Variants in FAM9B observed in about 807,000 individuals in gnomAD.
FAM9B encodes protein FAM9B.
In FAM9B, 18 loss-of-function variants were observed where a neutral mutation model predicts 16.6. The ratio of observed to expected loss-of-function variants is 1.09; its 90% confidence interval spans 0.75 to 1.61. The LOEUF (loss-of-function observed/expected upper bound fraction) is 1.61, where lower values mean the gene tolerates loss of function less well. Ranked by LOEUF, FAM9B falls within the 40% of genes most tolerant of loss-of-function variation. FAM9B has a pLI of 0.00. For synonymous variants in FAM9B, 43 were observed against 42.6 expected (o/e 1.01, Z -0.03); for missense variants, 155 against 136.0 (o/e 1.14, Z -0.70).
chrX:9,025,421 C>A, intron 8 of FAM9B, 44 bp from the exon 9 acceptor site: 1 of 807,080 alleles, frequency 1.2e-6, no homozygotes, highest in Non-Finnish European at 1.7e-6. Flanking sequence ...CACATTTCTG[C>A]AAATAAAATA....
In FAM9B at chrX:9,033,980, C is replaced by T. The variant is rs1327077373; in HGVS notation, c.-218G>A. On this transcript the variant is annotated 5_prime_UTR_variant, in exon 1 of 9. Coordinates refer to ENST00000327220, the MANE Select transcript of FAM9B (RefSeq NM_205849.3). The stretch of plus-strand genomic sequence containing the variant: ...GCTTGAACCCAGGAGGCGGAGGTTG[C>T]AGTGAGCCCAGATCACACCACTGCA... The T allele has an allele frequency of 2.0e-5, 13 of 634,751 alleles. No individual in the cohort carries two copies. In the African/African-American group the frequency reaches 3.2e-4, roughly 16 times the overall value. 52.3% of individuals were successfully genotyped at this position (634,751 alleles called of 1,213,427 possible). A position where few individuals can be genotyped will look rare whatever the true frequency, so the allele number is the denominator to read the frequency against.
chrX:9,027,578 T>C (rs1248552576), intron 7 of FAM9B, among the ~76,000 whole-genome samples: 5 of 111,828 alleles, frequency 4.5e-5, no homozygotes, highest in Non-Finnish European at 7.5e-5. Context: ...CTGGCATAAA[T>C]AGGTTAATGT....
intron 7 of FAM9B, among the ~76,000 whole-genome samples, chrX:9,026,416 G>A (rs1920967087): frequency 9.0e-6 from 1 of 111,211 alleles, no homozygotes; most frequent in African/African-American, 3.3e-5. Context: ...CTAAGAGGGG[G>A]TCATGTAAAG....
intron 4 of FAM9B, chrX:9,031,255 T>C (rs191420204): frequency 8.9e-6 from 1 of 111,945 alleles, no homozygotes; most frequent in East Asian, 2.8e-4. Context: ...TTGAGCTTTT[T>C]AAAAATAAGA....
chrX:9,026,789 G>A (rs1481298001), intron 7 of FAM9B, among the ~76,000 whole-genome samples: 2 of 111,188 alleles, frequency 1.8e-5, no homozygotes, highest in East Asian at 2.8e-4. Flanking sequence ...ATACTGACAG[G>A]AAAACTACTA....
In FAM9B at chrX:9,033,472, GGACCCCCGGT is replaced by G. The variant is rs773524890; in HGVS notation, c.-90+370_-90+379del. ...CCACTCGCCCCCCTGGACGCACAGG[GGACCCCCGGT>G]GACCCCCGGTGACCCCAAGTGTCCT... On this transcript the variant is annotated intron_variant, in intron 1 of 8. Coordinates refer to ENST00000327220, the MANE Select transcript of FAM9B (RefSeq NM_205849.3). 5.1e-4 allele frequency: 327 copies of G among 637,223 alleles called. 5 individuals carry two copies. The African/African-American group carries it at 7.0e-3, about 14-fold the overall frequency. 52.5% of individuals were successfully genotyped at this position (637,223 alleles called of 1,213,427 possible). A position where few individuals can be genotyped will look rare whatever the true frequency, so the allele number is the denominator to read the frequency against.
At position 9,030,299 on chromosome X, in the gene FAM9B, GTTCT is replaced by G; in HGVS notation, c.239_242del (p.Lys80ThrfsTer7). ...TTTTTCTCAAAGCATGTTTACTTTTGTTCTTTGTTTTGCTGCAAGTTTTATCCAT... is the reference window on the plus strand; with the variant it reads ...TTTTTCTCAAAGCATGTTTACTTTTGTTGTTTTGCTGCAAGTTTTATCCAT... On this transcript the variant is annotated frameshift_variant, in exon 5 of 9. Transcript: ENST00000327220. LOFTEE classifies it high-confidence loss of function. 1 of 1,203,242 alleles carries G rather than the reference GTTCT, an allele frequency of 8.3e-7. No individual in the cohort carries two copies. The highest frequency in any genetic ancestry group is 1.1e-6 in the Non-Finnish European group (1 of 891,502).
intron 1 of FAM9B, chrX:9,033,506 C>T (rs1198083967): frequency 2.0e-6 from 1 of 504,973 alleles, no homozygotes; most frequent in Admixed American, 9.2e-5. Flanking sequence ...CCCAAGTGTC[C>T]TGTCCTGTCG....
In FAM9B at chrX:9,029,399, GTA is replaced by G; in HGVS notation, c.299_300del (p.Ile100ThrfsTer10). ...KQLKRQKRDY[I>X]HSLKLLNVLE... is the part of the protein sequence containing the mutation. ...AGGACATTTAGCAACTTCAGAGAAT[GTA>G]TATAATCACGTTTCTGCCTGTAACA... On this transcript the variant is annotated frameshift_variant, in exon 6 of 9. Transcript: ENST00000327220. LOFTEE classifies it high-confidence loss of function. The G allele has an allele frequency of 8.3e-7, 1 of 1,199,268 alleles. No homozygotes were observed. The highest frequency in any genetic ancestry group is 3.0e-5 in the East Asian group (1 of 33,753).
At chrX:9,033,230 G>C (rs1921144661) in intron 1 of FAM9B, 155 bp from the exon 2 acceptor site, 2 of 1,104,634 alleles carry the variant, frequency 1.8e-6, no homozygotes, top group African/African-American at 3.7e-5. Context: ...GTCCCCTCCT[G>C]TCCTGGCCCG....
intron 1 of FAM9B, among the ~76,000 whole-genome samples, chrX:9,033,565 C>T (rs1448027674): frequency 3.2e-5 from 3 of 94,886 alleles, no homozygotes; most frequent in South Asian, 5.6e-4. Context: ...ACAACACCCC[C>T]GCCTCACTCC....
chrX:9,029,486 C>A, intron 5 of FAM9B, 68 bp from the exon 6 acceptor site: 1 of 707,228 alleles, frequency 1.4e-6, no homozygotes, highest in South Asian at 2.8e-5. Context: ...TATTCAAACC[C>A]AAACTGACTT....
intron 3 of FAM9B, 33 bp downstream of exon 3, chrX:9,032,308 A>G (rs375440422): frequency 9.9e-6 from 12 of 1,208,340 alleles, no homozygotes; most frequent in African/African-American, 8.8e-5. Flanking sequence ...AAAAGACCCT[A>G]TCCGACAGGC....
intron 8 of FAM9B, 40 bp downstream of exon 8, chrX:9,025,444 A>G: frequency 1.1e-6 from 1 of 914,446 alleles, no homozygotes; most frequent in Non-Finnish European, 1.5e-6. Context: ...CCAGTGCTAC[A>G]TCAATCCTGA....
At chrX:9,027,090 T>C (rs1920974606) in intron 7 of FAM9B, among the ~76,000 whole-genome samples, 1 of 112,105 alleles carries the variant, frequency 8.9e-6, no homozygotes, top group Non-Finnish European at 1.9e-5. Context: ...GAGGTCATTG[T>C]CTGATGATAA....
Position 9,027,873 on chromosome X carries a change from C to A in FAM9B, c.487G>T (p.Val163Leu), listed in dbSNP as rs146868808. 7.5e-6 allele frequency: 9 copies of A among 1,203,983 alleles called. No homozygotes were observed. Among genetic ancestry groups the A allele is most frequent in the Non-Finnish European group, 2.2e-6 (2 of 889,935 alleles). Residue 163 changes from valine (V) to leucine (L), a missense_variant, in exon 7 of 9, where the codon GTA becomes TTA. Transcript: ENST00000327220. ...TGTTACCAAATAGAACAGACCTTTA[C>A]GAATTGGTCACGTAGCAGCTTCATC... The part of the protein sequence containing the change: ...KEMKLLRDQF[V>L]KALEDFEDLC...
chrX:9,025,905 A>T (rs1569137659), intron 7 of FAM9B, among the ~76,000 whole-genome samples: 1 of 111,098 alleles, frequency 9.0e-6, no homozygotes, highest in Admixed American at 9.7e-5. Context: ...GAAATATTAT[A>T]TTTTTTTTCA....
Position 9,030,248 on chromosome X carries a change from C to G in FAM9B, c.281+13G>C. The stretch of plus-strand genomic sequence containing the variant: ...ATATAAATATCATTATGCAAAAAAG[C>G]CAACAGTCATACCTTTTAAGTTGCT... On this transcript the variant is annotated intron_variant, in intron 5 of 8. Transcript: ENST00000327220. 8.4e-7 allele frequency: 1 copy of G among 1,183,824 alleles called. No individual in the cohort carries two copies. The highest frequency in any genetic ancestry group is 1.9e-5 in the South Asian group (1 of 52,475).
chrX:9,028,575 G>T (rs1920990256), intron 6 of FAM9B, among the ~76,000 whole-genome samples: 1 of 111,570 alleles, frequency 9.0e-6, no homozygotes, highest in South Asian at 3.8e-4. Flanking sequence ...AAATAAACCT[G>T]TTACACAGAA....
Sources: gnomAD v4.1 joint callset for allele counts (sites outside exome capture counted in the v4.1 genomes callset) on GRCh38, gnomAD v4.1.1 for gene constraint, MANE v1.5 for transcripts, NCBI Gene and HGNC (gene_info 2026-07-23, HGNC 2026-07-21) for gene names.